LINGO2: variants seen among roughly 807,000 people sequenced by gnomAD.
LINGO2 encodes leucine rich repeat and Ig domain containing 2.
A neutral mutation model predicts 30.6 loss-of-function variants in LINGO2; 14 were observed. The ratio of observed to expected loss-of-function variants is 0.46; its 90% confidence interval spans 0.30 to 0.72. LINGO2 has a LOEUF of 0.72. LINGO2 is among the 30% of genes least tolerant of loss of function. The pLI is 0.07. For missense variants in LINGO2, 729 were observed against 751.7 expected (o/e 0.97, Z 0.35); for synonymous variants, 317 against 288.5 (o/e 1.10, Z -1.00).
At chr9:28,111,749 T>C (rs1285209844) in intron 4 of LINGO2, among the ~76,000 whole-genome samples, 1 of 152,112 alleles carries the variant, frequency 6.6e-6, no homozygotes, top group African/African-American at 2.4e-5. Context: ...ATAGTTATCT[T>C]CCTTTATTAA....
chr9:28,348,770 C>T (rs1819706449), intron 3 of LINGO2, among the ~76,000 whole-genome samples: 1 of 151,838 alleles, frequency 6.6e-6, no homozygotes, highest in Non-Finnish European at 1.5e-5. Context: ...TTGAAGAGAG[C>T]AGTGGTTCTC....
chr9:29,151,831 A>G, the LINGO2 span, among the ~76,000 whole-genome samples: 1 of 152,220 alleles, frequency 6.6e-6, no homozygotes, highest in Non-Finnish European at 1.5e-5. Context: ...ACAGCATTAG[A>G]CAGATCATTG....
At chr9:28,143,915 A>C (rs1030631277) in intron 4 of LINGO2, among the ~76,000 whole-genome samples, 2 of 152,180 alleles carry the variant, frequency 1.3e-5, no homozygotes, top group South Asian at 2.1e-4. Flanking sequence ...ATTTATTTTT[A>C]TAAAAACTTT....
chr9:28,055,297 A>C (rs1230005472), intron 4 of LINGO2, among the ~76,000 whole-genome samples: 5 of 152,142 alleles, frequency 3.3e-5, no homozygotes, highest in Admixed American at 6.6e-5. Flanking sequence ...CATGTGTTTT[A>C]AATGGCTTAG....
At chr9:28,064,565 A>G (rs1366397808) in intron 4 of LINGO2, among the ~76,000 whole-genome samples, 2 of 152,154 alleles carry the variant, frequency 1.3e-5, no homozygotes, top group African/African-American at 2.4e-5. Flanking sequence ...ACGTGGTCCT[A>G]TCTGTTAGTA....
At chr9:28,776,198 T>C in the LINGO2 span, among the ~76,000 whole-genome samples, 6 of 152,194 alleles carry the variant, frequency 3.9e-5, no homozygotes, top group African/African-American at 1.2e-4. Flanking sequence ...ATCCTTAGGA[T>C]AGGAGAATGG....
At chr9:28,012,702 G>C (rs76802355) in intron 4 of LINGO2, among the ~76,000 whole-genome samples, 1,575 of 152,122 alleles carry the variant, frequency 0.01, 34 homozygotes, top group African/African-American at 0.036. Context: ...ATTTCAGTTG[G>C]GGTTTGTAGC....
Position 27,980,068 on chromosome 9 carries a change from C to G in LINGO2, c.-35-29362G>C, listed in dbSNP as rs554585445. On this transcript the variant is annotated intron_variant, in intron 5 of 5. Coordinates refer to ENST00000379992, the Ensembl canonical transcript of LINGO2. ...GTAACTATTTCCAACACCAGCTGTTCAGAGTACTTTAGTTAATACCTCACT... is the reference window on the plus strand; with the variant it reads ...GTAACTATTTCCAACACCAGCTGTTGAGAGTACTTTAGTTAATACCTCACT... Among the ~76,000 whole-genome samples, 7 of 151,962 alleles carry G rather than the reference C, an allele frequency of 4.6e-5. No homozygotes were observed. The South Asian group carries it at 1.5e-3, about 32-fold the overall frequency.
intron 1 of LINGO2, among the ~76,000 whole-genome samples, chr9:28,537,522 G>A (rs1044873015): frequency 7.3e-5 from 11 of 151,650 alleles, no homozygotes; most frequent in African/African-American, 2.7e-4. Context: ...TTTATAAACA[G>A]AGAGGAATGC....
intron 1 of LINGO2, among the ~76,000 whole-genome samples, chr9:28,630,727 G>T (rs1826897517): frequency 6.6e-6 from 1 of 152,008 alleles, no homozygotes; most frequent in South Asian, 2.1e-4. Context: ...TTAATCAAAT[G>T]GTTATAAGCA....
At chr9:27,995,116 A>G (rs1370340050) in intron 5 of LINGO2, among the ~76,000 whole-genome samples, 1 of 152,198 alleles carries the variant, frequency 6.6e-6, no homozygotes, top group Non-Finnish European at 1.5e-5. Context: ...GTGCAGCAAT[A>G]CACCAATAAA....
At position 28,662,235 on chromosome 9, in the gene LINGO2, A is replaced by C. The variant is rs140510242; in HGVS notation, c.-365+7965T>G. 7.9e-5 allele frequency among the ~76,000 whole-genome samples: 12 copies of C among 152,290 alleles called. No homozygotes were observed. In the East Asian group the frequency reaches 1.9e-3, roughly 24 times the overall value. ...TAATCAGAATCCAGAGCGGGGCCCAATGCAAATCGGTTTACCAGAGGCCTG... is the reference window on the plus strand; with the variant it reads ...TAATCAGAATCCAGAGCGGGGCCCACTGCAAATCGGTTTACCAGAGGCCTG... On this transcript the variant is annotated intron_variant, in intron 1 of 5. Coordinates refer to ENST00000379992, the Ensembl canonical transcript of LINGO2.
intron 2 of LINGO2, among the ~76,000 whole-genome samples, chr9:28,472,996 G>A (rs573343049): frequency 8.4e-4 from 128 of 152,162 alleles, no homozygotes; most frequent in African/African-American, 2.8e-3. Flanking sequence ...TCTGCTTTCT[G>A]TATTAACTCT....
chr9:28,065,491 A>G (rs1825286502), intron 4 of LINGO2, among the ~76,000 whole-genome samples: 1 of 152,180 alleles, frequency 6.6e-6, no homozygotes, highest in Admixed American at 6.6e-5. Flanking sequence ...TACATTTGAT[A>G]AATTGTAGTT....
At chr9:28,814,768 A>T in the LINGO2 span, among the ~76,000 whole-genome samples, 1 of 151,858 alleles carries the variant, frequency 6.6e-6, no homozygotes, top group African/African-American at 2.4e-5. Context: ...GGCACCTGTA[A>T]TTCCAGCTAC....
intron 5 of LINGO2, among the ~76,000 whole-genome samples, chr9:27,953,920 A>T (rs1008376440): frequency 1.3e-5 from 2 of 152,206 alleles, no homozygotes; most frequent in African/African-American, 4.8e-5. Flanking sequence ...AACTGGAAGG[A>T]TATAATAAAG....
the LINGO2 span, among the ~76,000 whole-genome samples, chr9:28,771,468 T>G: frequency 9.7e-6 from 1 of 103,516 alleles, no homozygotes; most frequent in Non-Finnish European, 1.9e-5. Context: ...TGTGTGTGTG[T>G]GTGTGTGTGT....
At chr9:28,993,548 G>T in the LINGO2 span, among the ~76,000 whole-genome samples, 1 of 151,476 alleles carries the variant, frequency 6.6e-6, no homozygotes, top group Non-Finnish European at 1.5e-5. Context: ...CCAAAGCCGG[G>T]CAGAGACACA....
At chr9:28,253,075 T>TAA (rs57600944) in intron 4 of LINGO2, among the ~76,000 whole-genome samples, 2 of 141,670 alleles carry the variant, frequency 1.4e-5, no homozygotes, top group Non-Finnish European at 3.1e-5. Context: ...TTCAATTTGC[T>TAA]AAAAAAAAAA....
Sources: allele counts gnomAD v4.1 joint callset (sites outside exome capture counted in the v4.1 genomes callset), GRCh38; gene constraint gnomAD v4.1.1; transcripts MANE v1.5; gene names NCBI Gene and HGNC (gene_info 2026-07-23, HGNC 2026-07-21).